PTH2R: variants seen among roughly 807,000 people sequenced by gnomAD.
PTH2R encodes parathyroid hormone 2 receptor.
A neutral mutation model predicts 60.3 loss-of-function variants in PTH2R; 59 were observed. The observed-to-expected ratio is 0.98, with a 90% CI of 0.79 to 1.22. The LOEUF (loss-of-function observed/expected upper bound fraction) is 1.22, where lower values mean the gene tolerates loss of function less well. Ranked by LOEUF, PTH2R falls within the 50% of genes most tolerant of loss-of-function variation. PTH2R has a pLI of 0.00. For missense variants in PTH2R, 749 were observed against 682.6 expected (o/e 1.10, Z -1.08); for synonymous variants, 256 against 243.8 (o/e 1.05, Z -0.47).
At chr2:208,367,633 G>T (rs1325588573) in intron 1 of PTH2R, among the ~76,000 whole-genome samples, 1 of 152,056 alleles carries the variant, frequency 6.6e-6, no homozygotes, top group Non-Finnish European at 1.5e-5. Context: ...GCCTCCCAAA[G>T]TGCTAGGATT....
At chr2:208,443,650 TA>T (rs2105872060) in intron 6 of PTH2R, 113 bp downstream of exon 6, 1 of 788,518 alleles carries the variant, frequency 1.3e-6, no homozygotes, top group Non-Finnish European at 1.9e-6. Flanking sequence ...CTGAACTAAC[TA>T]AAATGGATTA....
At position 208,388,308 on chromosome 2, in the gene PTH2R, C is replaced by T. The variant is rs370788039; in HGVS notation, c.-259+28071C>T. ...CTCCAGCCTGGGTGACAGAGCGAGA[C>T]TCCTTCTCAAAAACAAAAACAAACA... On this transcript the variant is annotated intron_variant, in intron 1 of 12. Transcript: ENST00000617735. 2.0e-5 allele frequency among the ~76,000 whole-genome samples: 3 copies of T among 152,022 alleles called. No homozygotes were observed. The South Asian group carries it at 6.2e-4, about 32-fold the overall frequency.
chr2:208,442,479 C>T lies in PTH2R; in HGVS notation c.509+18C>T. 1 of 1,547,852 alleles carries T rather than the reference C, an allele frequency of 6.5e-7. No individual in the cohort carries two copies. Among genetic ancestry groups the T allele is most frequent in the East Asian group, 2.2e-5 (1 of 44,538 alleles). On this transcript the variant is annotated intron_variant, in intron 5 of 12. Transcript: ENST00000272847. Reference sequence around the variant, plus strand: ...TACTTCAGGTGAGTGATGCCCATCACTTTTTCCATGAAGGGGCACATTGTC... The same window carrying T: ...TACTTCAGGTGAGTGATGCCCATCATTTTTTCCATGAAGGGGCACATTGTC...
At chr2:208,407,162 G>A in intron 1 of PTH2R, 44 bp downstream of exon 1, 1 of 1,393,050 alleles carries the variant, frequency 7.2e-7, no homozygotes, top group Non-Finnish European at 9.4e-7. Flanking sequence ...CGGAGCCTCC[G>A]GCGGGGACTC....
intron 1 of PTH2R, among the ~76,000 whole-genome samples, chr2:208,393,845 T>C (rs1701154405): frequency 1.3e-5 from 2 of 152,188 alleles, no homozygotes; most frequent in Non-Finnish European, 2.9e-5. Flanking sequence ...CCATCAGGCA[T>C]TTCCTGCAGA....
chr2:208,419,700 A>G (rs1701712514), intron 1 of PTH2R, among the ~76,000 whole-genome samples: 2 of 152,262 alleles, frequency 1.3e-5, no homozygotes, highest in South Asian at 4.1e-4. Context: ...TAATTTTTGT[A>G]TAAGGTGTAA....
intron 1 of PTH2R, among the ~76,000 whole-genome samples, chr2:208,418,450 C>T (rs1374443033): frequency 1.3e-5 from 2 of 151,476 alleles, no homozygotes; most frequent in African/African-American, 2.4e-5. Context: ...AGCAAACCAA[C>T]TCCAACAATG....
intron 1 of PTH2R, among the ~76,000 whole-genome samples, chr2:208,391,508 G>A (rs1162622085): frequency 6.6e-6 from 1 of 152,166 alleles, no homozygotes; most frequent in Admixed American, 6.5e-5. Flanking sequence ...CTACAGGAAG[G>A]CTGAGAGCTG....
intron 9 of PTH2R, among the ~76,000 whole-genome samples, chr2:208,479,145 A>G (rs904181757): frequency 2.6e-5 from 4 of 151,536 alleles, no homozygotes; most frequent in African/African-American, 9.7e-5. Context: ...TCCATAGTCA[A>G]TTTGGTTGGC....
upstream of PTH2R, among the ~76,000 whole-genome samples, chr2:208,404,755 C>T (rs1701370390): frequency 6.6e-6 from 1 of 151,932 alleles, no homozygotes; most frequent in Non-Finnish European, 1.5e-5. Context: ...TCAGATGTAC[C>T]CCGAGAAGTA....
At position 208,442,690 on chromosome 2, in the gene PTH2R, A is replaced by G. The variant is rs1702210786; in HGVS notation, c.509+229A>G. ...GTATGAAACCTTTAACCCAATAAGT[A>G]TGTACTGAAGTATATTTGTTGCAAA... is the stretch of plus-strand genomic sequence containing the variant. On this transcript the variant is annotated intron_variant, in intron 5 of 12. Coordinates refer to ENST00000272847, the MANE Select transcript of PTH2R (RefSeq NM_005048.4). Among the ~76,000 whole-genome samples, 3 of 152,254 alleles carry G rather than the reference A, an allele frequency of 2.0e-5. No individual in the cohort carries two copies. In the South Asian group the frequency reaches 6.2e-4, roughly 31 times the overall value.
Position 208,378,031 on chromosome 2 carries a change from G to C in PTH2R, c.-259+17794G>C, listed in dbSNP as rs1413192843. ...GGAGGCCAAGGCAGGCTGCTGGGAG[G>C]TGGAGGTTGTAGCTAGCCGAGATCA... On this transcript the variant is annotated intron_variant, in intron 1 of 12. Coordinates refer to the PTH2R transcript ENST00000617735. Among the ~76,000 whole-genome samples the C allele has an allele frequency of 3.3e-5, 5 of 152,188 alleles. 1 individual carries two copies. In the East Asian group the frequency reaches 9.7e-4, roughly 30 times the overall value.
At chr2:208,407,317 G>A (rs756698584) in intron 1 of PTH2R, among the ~76,000 whole-genome samples, 199 bp downstream of exon 1, 1 of 152,178 alleles carries the variant, frequency 6.6e-6, no homozygotes, top group Non-Finnish European at 1.5e-5. Flanking sequence ...CTTTAGTGGA[G>A]TGATGTCCTG....
intron 9 of PTH2R, among the ~76,000 whole-genome samples, chr2:208,478,579 C>A (rs1703073321): frequency 1.3e-5 from 2 of 152,208 alleles, no homozygotes; most frequent in Non-Finnish European, 2.9e-5. Flanking sequence ...TTGCTGAATT[C>A]ATTTTCTTGC....
chr2:208,397,574 G>GC (rs2105820312), intron 1 of PTH2R, among the ~76,000 whole-genome samples: 1 of 152,284 alleles, frequency 6.6e-6, no homozygotes, highest in South Asian at 2.1e-4. Flanking sequence ...AGAGATAGAG[G>GC]TGGGGGGGCT....
intron 7 of PTH2R, among the ~76,000 whole-genome samples, chr2:208,449,473 A>AGATAGATG (rs1702359461): frequency 6.6e-6 from 1 of 152,056 alleles, no homozygotes; most frequent in Non-Finnish European, 1.5e-5. Context: ...ATAGATAGAT[A>AGATAGATG]GATAGAATAT....
chr2:208,382,048 G>A (rs1232999145), intron 1 of PTH2R, among the ~76,000 whole-genome samples: 5 of 152,114 alleles, frequency 3.3e-5, no homozygotes, highest in Non-Finnish European at 5.9e-5. Context: ...CAGTCAAGAA[G>A]AATTAATACA....
chr2:208,488,958 T>G, intron 10 of PTH2R, 54 bp from the exon 11 acceptor site: 1 of 1,603,120 alleles, frequency 6.2e-7, no homozygotes, highest in South Asian at 1.1e-5. Flanking sequence ...GCACGCTGTC[T>G]TTACTGAAAG....
At chr2:208,388,137 C>T (rs1701038147) in intron 1 of PTH2R, among the ~76,000 whole-genome samples, 1 of 149,342 alleles carries the variant, frequency 6.7e-6, no homozygotes, top group Non-Finnish European at 1.5e-5. Context: ...GTGAAACCCC[C>T]CCCCCCGTCT....
Sources: gnomAD v4.1 joint callset for allele counts (sites outside exome capture counted in the v4.1 genomes callset) on GRCh38, gnomAD v4.1.1 for gene constraint, MANE v1.5 for transcripts, NCBI Gene and HGNC (gene_info 2026-07-23, HGNC 2026-07-21) for gene names.